ASTN1: variants seen among roughly 807,000 people sequenced by gnomAD.
ASTN1 encodes the protein astrotactin-1.
Under a neutral mutation model 140.7 loss-of-function variants are expected in ASTN1, and 41 were observed. The observed-to-expected ratio is 0.29, with a 90% confidence interval of 0.23 to 0.38. ASTN1 has a LOEUF of 0.38. Ranked by LOEUF, ASTN1 falls within the 10% of genes least tolerant of loss-of-function variation. ASTN1 has a pLI of 1.00. For missense variants in ASTN1, 1,479 were observed against 1,678.8 expected (o/e 0.88, Z 2.08); for synonymous variants, 640 against 652.2 (o/e 0.98, Z 0.29).
intron 2 of ASTN1, among the ~76,000 whole-genome samples, chr1:177,044,963 A>G (rs1174780887): frequency 2.6e-5 from 4 of 152,104 alleles, no homozygotes; most frequent in African/African-American, 9.7e-5. Flanking sequence ...CAGGGGAGGG[A>G]GAGGAAAAGG....
intron 1 of ASTN1, among the ~76,000 whole-genome samples, chr1:177,119,311 T>G (rs1411339672): frequency 6.6e-6 from 1 of 152,232 alleles, no homozygotes; most frequent in African/African-American, 2.4e-5. Flanking sequence ...AGCTTTTTAA[T>G]GTCAAGGAAG....
At chr1:177,048,885 G>T (rs1008922890) in intron 2 of ASTN1, among the ~76,000 whole-genome samples, 1 of 152,206 alleles carries the variant, frequency 6.6e-6, no homozygotes, top group Non-Finnish European at 1.5e-5. Context: ...ACTGGGCCAT[G>T]TGAAGGGTTC....
intron 8 of ASTN1, among the ~76,000 whole-genome samples, chr1:176,985,208 A>G (rs1673829573): frequency 6.6e-6 from 1 of 152,164 alleles, no homozygotes; most frequent in Non-Finnish European, 1.5e-5. Context: ...GATAACATGA[A>G]AAGTCTTTTC....
At chr1:176,928,421 TG>T (rs1671065134) in intron 16 of ASTN1, among the ~76,000 whole-genome samples, 1 of 152,240 alleles carries the variant, frequency 6.6e-6, no homozygotes, top group African/African-American at 2.4e-5. Context: ...TCTATTATTA[TG>T]GAAGACAGTT....
chr1:177,071,509 C>T (rs1351046188), intron 1 of ASTN1, among the ~76,000 whole-genome samples: 1 of 152,192 alleles, frequency 6.6e-6, no homozygotes, highest in Non-Finnish European at 1.5e-5. Flanking sequence ...CACTCAAGTA[C>T]AACCTTCCAT....
chr1:177,137,613 A>G (rs1682260784), intron 1 of ASTN1, among the ~76,000 whole-genome samples: 1 of 152,228 alleles, frequency 6.6e-6, no homozygotes, highest in Admixed American at 6.5e-5. Flanking sequence ...ACAGTTACCT[A>G]GAGGTGGAGC....
downstream of ASTN1, among the ~76,000 whole-genome samples, chr1:176,858,677 A>T (rs1263434916): frequency 6.6e-6 from 1 of 152,214 alleles, no homozygotes; most frequent in Non-Finnish European, 1.5e-5. Flanking sequence ...AAGAATAGAC[A>T]ATCTGCTCAG....
intron 1 of ASTN1, among the ~76,000 whole-genome samples, chr1:177,072,163 C>T (rs1678676197): frequency 6.6e-6 from 1 of 152,168 alleles, no homozygotes; most frequent in Non-Finnish European, 1.5e-5. Context: ...TCATGAGCCA[C>T]TATGCTTGTA....
intron 8 of ASTN1, among the ~76,000 whole-genome samples, chr1:176,992,207 C>T (rs1321543957): frequency 6.6e-6 from 1 of 152,074 alleles, no homozygotes; most frequent in Non-Finnish European, 1.5e-5. Flanking sequence ...AAGTAAAGTT[C>T]TTGGTAAGCA....
intron 18 of ASTN1, among the ~76,000 whole-genome samples, chr1:176,884,934 C>G (rs548482808): frequency 1.2e-4 from 18 of 152,326 alleles, no homozygotes; most frequent in African/African-American, 4.3e-4. Flanking sequence ...AATAAGGCCA[C>G]AGTTGGTTTG....
intron 1 of ASTN1, among the ~76,000 whole-genome samples, chr1:177,071,285 G>T (rs185916157): frequency 6.6e-6 from 1 of 152,206 alleles, no homozygotes; most frequent in Admixed American, 6.5e-5. Flanking sequence ...CAGCCCCAGG[G>T]AGCTTGTTGT....
At chr1:177,086,285 A>AG (rs1212362655) in intron 1 of ASTN1, among the ~76,000 whole-genome samples, 5 of 126 alleles carry the variant, frequency 0.04, no homozygotes, top group Non-Finnish European at 0.086. Flanking sequence ...GAATCCATTT[A>AG]AAAAACTCCT....
chr1:177,044,176 T>TACACACAC lies in ASTN1; in HGVS notation c.472-11335_472-11328dup, dbSNP rs3979531. 1.2e-3 allele frequency among the ~76,000 whole-genome samples: 175 copies of TACACACAC among 143,370 alleles called. 2 individuals carry two copies. The East Asian group carries it at 0.013, about 11-fold the overall frequency. The allele number at this position is 143,370 out of a possible 152,430, so 94.1% of individuals were successfully genotyped here. ...TAATTTTAAGAAATGAAAAAAAAAA[T>TACACACAC]ACACACACACACACACACACACACA... On this transcript the variant is annotated intron_variant, in intron 2 of 22. Coordinates refer to ENST00000361833, the MANE Select transcript of ASTN1 (RefSeq NM_004319.3).
intron 17 of ASTN1, among the ~76,000 whole-genome samples, chr1:176,894,110 A>G (rs1256603080): frequency 4.6e-5 from 7 of 152,104 alleles, no homozygotes; most frequent in African/African-American, 1.7e-4. Context: ...TCCCTTTGCA[A>G]CCTGTGCCTG....
At chr1:176,913,629 G>T (rs1051302351) in intron 16 of ASTN1, among the ~76,000 whole-genome samples, 1 of 152,232 alleles carries the variant, frequency 6.6e-6, no homozygotes, top group African/African-American at 2.4e-5. Flanking sequence ...AGCGATTATT[G>T]CTGGGGCAGG....
chr1:177,163,705 G>A (rs35011339), intron 1 of ASTN1, among the ~76,000 whole-genome samples: 10,106 of 152,248 alleles, frequency 0.066, 429 homozygotes, highest in Non-Finnish European at 0.098. Context: ...ACAGACTACA[G>A]TTGTATAATA....
In ASTN1 at chr1:176,915,631, G is replaced by A. The variant is rs1670447051; in HGVS notation, c.2671+18521C>T. 2.0e-5 allele frequency among the ~76,000 whole-genome samples: 3 copies of A among 152,130 alleles called. No homozygotes were observed. In the South Asian group the frequency reaches 6.2e-4, roughly 32 times the overall value. ...TACACAGCTTCCGGTGGTATCATTCGGATTTTAGATTACTCCTCTCCCTTT... is the reference window on the plus strand; with the variant it reads ...TACACAGCTTCCGGTGGTATCATTCAGATTTTAGATTACTCCTCTCCCTTT... On this transcript the variant is annotated intron_variant, in intron 16 of 22. Coordinates refer to ENST00000361833, the MANE Select transcript of ASTN1 (RefSeq NM_004319.3).
At chr1:177,145,580 T>A (rs756181987) in intron 1 of ASTN1, among the ~76,000 whole-genome samples, 1 of 152,164 alleles carries the variant, frequency 6.6e-6, no homozygotes, top group Non-Finnish European at 1.5e-5. Context: ...CTGTTCTCCA[T>A]AGGACCCACG....
At chr1:177,106,499 G>A (rs1450086311) in intron 1 of ASTN1, among the ~76,000 whole-genome samples, 1 of 152,136 alleles carries the variant, frequency 6.6e-6, no homozygotes, top group Non-Finnish European at 1.5e-5. Flanking sequence ...CCCCACCTCT[G>A]CTATACTATT....
Sources: gnomAD v4.1 joint callset for allele counts (sites outside exome capture counted in the v4.1 genomes callset) on GRCh38, gnomAD v4.1.1 for gene constraint, MANE v1.5 for transcripts, NCBI Gene and HGNC (gene_info 2026-07-23, HGNC 2026-07-21) for gene names.